The following FMO1 variants were observed in gnomAD, a reference collection of about 807,000 sequenced individuals.
FMO1 encodes flavin containing dimethylaniline monoxygenase 1.
In FMO1, 36 loss-of-function variants were observed where a neutral mutation model predicts 45.4. The ratio of observed to expected loss-of-function variants is 0.79; its 90% CI spans 0.61 to 1.05. FMO1 has a LOEUF of 1.05. Ranked by LOEUF, FMO1 falls within the 50% of genes least tolerant of loss-of-function variation. The probability of loss-of-function intolerance (pLI) is 0.00; values close to 1 mark genes in which losing one functional copy is unlikely to be tolerated. For missense variants in FMO1, 615 were observed against 640.3 expected, an observed-to-expected ratio of 0.96 and a Z score of 0.43; for synonymous variants, 228 against 227.2, an observed-to-expected ratio of 1.00 and a Z score of -0.03.
chr1:171,279,750 G>GA (rs1161232359), intron 5 of FMO1, among the ~76,000 whole-genome samples: 1 of 152,080 alleles, frequency 6.6e-6, no homozygotes, highest in African/African-American at 2.4e-5. Context: ...CTCTTTACCT[G>GA]AAAAAAATAA....
chr1:171,250,009 T>C (rs1659812830), intron 1 of FMO1, among the ~76,000 whole-genome samples: 2 of 152,180 alleles, frequency 1.3e-5, no homozygotes, highest in South Asian at 4.1e-4. Flanking sequence ...GGTGTGCAAT[T>C]TCTTCAAGGT....
At chr1:171,258,349 C>G in intron 2 of FMO1, 130 bp downstream of exon 2, 1 of 1,019,010 alleles carries the variant, frequency 9.8e-7, no homozygotes, top group Non-Finnish European at 1.4e-6. Flanking sequence ...GAACAGGGGA[C>G]CATGAGGAGC....
intron 8 of FMO1, 36 bp from the exon 9 acceptor site, chr1:171,285,166 G>C: frequency 7.2e-7 from 1 of 1,384,250 alleles, no homozygotes; most frequent in Non-Finnish European, 9.8e-7. Flanking sequence ...CAGTTTTTTT[G>C]TCTTCACCTT....
intron 1 of FMO1, among the ~76,000 whole-genome samples, chr1:171,253,333 A>T (rs1659988325): frequency 6.6e-6 from 1 of 152,152 alleles, no homozygotes; most frequent in Non-Finnish European, 1.5e-5. Context: ...TCAGACATCC[A>T]CAAAAATATC....
At chr1:171,261,343 A>ACACACACAC (rs59981493) in intron 2 of FMO1, among the ~76,000 whole-genome samples, 3 of 151,962 alleles carry the variant, frequency 2.0e-5, no homozygotes, top group South Asian at 2.1e-4. Flanking sequence ...ACACACACAC[A>ACACACACAC]AAAGGTTAGA....
chr1:171,249,348 C>A (rs1659775654), intron 1 of FMO1, among the ~76,000 whole-genome samples: 1 of 152,084 alleles, frequency 6.6e-6, no homozygotes, highest in Non-Finnish European at 1.5e-5. Flanking sequence ...CCCCTGCATC[C>A]TAGGGAATCT....
chr1:171,285,403 T>G lies in FMO1; in HGVS notation c.1458T>G (p.Asn486Lys), dbSNP rs1174441843. Reference protein sequence around the residue: ...TGPGKWEGARNAIMTQWDRTF... With the variant: ...TGPGKWEGARKAIMTQWDRTF... ...CAGGAAAATGGGAAGGAGCCAGAAATGCCATCATGACCCAGTGGGACCGAA... is the reference window on the plus strand; with the variant it reads ...CAGGAAAATGGGAAGGAGCCAGAAAGGCCATCATGACCCAGTGGGACCGAA... Residue 486 changes from asparagine to lysine, a missense_variant, in exon 9 of 9, where the codon AAT becomes AAG. Asn to Lys is a moderately conservative substitution (Grantham distance 94). Coordinates refer to ENST00000617670, the MANE Select transcript of FMO1 (RefSeq NM_001282693.2). The G allele has an allele frequency of 6.2e-7, 1 of 1,613,556 alleles. No homozygotes were observed.
At chr1:171,261,624 C>T (rs1660381836) in intron 2 of FMO1, among the ~76,000 whole-genome samples, 1 of 152,160 alleles carries the variant, frequency 6.6e-6, no homozygotes, top group Admixed American at 6.5e-5. Context: ...TGGCTCATGC[C>T]TGTAATCCCA....
chr1:171,270,744 A>G, intron 3 of FMO1: 1 of 1,132,212 alleles, frequency 8.8e-7, no homozygotes, highest in Non-Finnish European at 1.1e-6. Context: ...GCACCAGGCA[A>G]GGTTAGTGGC....
intron 2 of FMO1, among the ~76,000 whole-genome samples, chr1:171,259,837 G>A (rs1660306169): frequency 6.6e-6 from 1 of 152,208 alleles, no homozygotes; most frequent in Admixed American, 6.5e-5. Flanking sequence ...TCAAACACCA[G>A]TGCACAAAGC....
Position 171,280,947 on chromosome 1 carries a change from GC to G in FMO1, c.790del (p.Leu264SerfsTer8). 6.2e-7 allele frequency: 1 copy of G among 1,613,824 alleles called. No homozygotes were observed. Among genetic ancestry groups the G allele is most frequent in the Non-Finnish European group, 8.5e-7 (1 of 1,179,834 alleles). On this transcript the variant is annotated frameshift_variant, in exon 6 of 9. Transcript: ENST00000617670. LOFTEE classifies it high-confidence loss of function. ...TGATGGAGCGAAAGATAAACAACTG[GC>G]TCAATCATGCAAATTACGGCTTAAT... ...WLMERKINNW[L>X]NHANYGLIPE...
At chr1:171,285,170 TCAC>T in intron 8 of FMO1, 29 bp from the exon 9 acceptor site, 1 of 1,433,720 alleles carries the variant, frequency 7.0e-7, no homozygotes, top group Non-Finnish European at 9.4e-7. Context: ...TTTTTTGTCT[TCAC>T]CTTTTCCCCC....
At chr1:171,255,113 T>C (rs28384844) in intron 1 of FMO1, among the ~76,000 whole-genome samples, 2,108 of 152,342 alleles carry the variant, frequency 0.014, 37 homozygotes, top group African/African-American at 0.048. Flanking sequence ...TAGAATGTTA[T>C]AGGGCATTTC....
In FMO1 at chr1:171,252,382, G is replaced by A. The variant is rs148302954; in HGVS notation, c.-7+3759G>A. On this transcript the variant is annotated intron_variant, in intron 1 of 8. Transcript: ENST00000617670. Reference sequence around the variant, plus strand: ...CAGACTGTCCTGTCACCTCTGGGGTGCCTATTGGCATCCTCTCCCCCTGTG... The same window carrying A: ...CAGACTGTCCTGTCACCTCTGGGGTACCTATTGGCATCCTCTCCCCCTGTG... Among the ~76,000 whole-genome samples the A allele has an allele frequency of 6.4e-3, 980 of 152,250 alleles. 3 individuals carry two copies. Among genetic ancestry groups the A allele is most frequent in the Middle Eastern group, 0.01 (3 of 294 alleles).
intron 1 of FMO1, chr1:171,251,750 G>T (rs903012772): frequency 4.0e-5 from 6 of 151,232 alleles, no homozygotes; most frequent in African/African-American, 1.5e-4. Context: ...CTGCCGAGTC[G>T]CAACTGTTTA....
At chr1:171,249,535 T>G (rs1659786012) in intron 1 of FMO1, among the ~76,000 whole-genome samples, 1 of 152,156 alleles carries the variant, frequency 6.6e-6, no homozygotes, top group South Asian at 2.1e-4. Flanking sequence ...TCCCAGGGGC[T>G]AAGTAGGCAC....
intron 2 of FMO1, 126 bp downstream of exon 2, chr1:171,258,345 G>A: frequency 1.8e-6 from 2 of 1,110,172 alleles, no homozygotes; most frequent in Admixed American, 2.2e-5. Context: ...TGCTGAACAG[G>A]GGACCATGAG....
chr1:171,270,031 C>T (rs12058402), intron 3 of FMO1, among the ~76,000 whole-genome samples: 36,473 of 152,084 alleles, frequency 0.24, 6,893 homozygotes, highest in African/African-American at 0.53. Flanking sequence ...GGCAGTCCTG[C>T]ATTTTAAGCT....
At chr1:171,253,770 T>C (rs534302303) in intron 1 of FMO1, 1 of 152,086 alleles carries the variant, frequency 6.6e-6, no homozygotes, top group African/African-American at 2.4e-5. Context: ...TCAAAAATAA[T>C]AATAATAATA....
Sources: gnomAD v4.1 joint callset for allele counts (sites outside exome capture counted in the v4.1 genomes callset) on GRCh38, gnomAD v4.1.1 for gene constraint, MANE v1.5 for transcripts, NCBI Gene and HGNC (gene_info 2026-07-23, HGNC 2026-07-21) for gene names.